Variants in LRMDA observed in about 807,000 individuals in gnomAD.
LRMDA encodes leucine-rich melanocyte differentiation-associated protein.
Under a neutral mutation model 29.8 loss-of-function variants are expected in LRMDA, and 18 were observed. The observed-to-expected ratio is 0.60, with a 90% CI of 0.42 to 0.90. The LOEUF (loss-of-function observed/expected upper bound fraction) is 0.90, where lower values mean the gene tolerates loss of function less well. Among genes scored for constraint, LRMDA ranks in the 40% least tolerant of loss-of-function variants. The probability of loss-of-function intolerance (pLI) is 0.00; values close to 1 mark genes in which losing one functional copy is unlikely to be tolerated. For synonymous variants in LRMDA, 125 were observed against 109.4 expected, an observed-to-expected ratio of 1.14 and a Z score of -0.89; for missense variants, 273 against 273.9, an observed-to-expected ratio of 1.00 and a Z score of 0.02.
intron 5 of LRMDA, among the ~76,000 whole-genome samples, chr10:76,074,232 G>A (rs950276789): frequency 3.9e-5 from 6 of 152,168 alleles, no homozygotes; most frequent in African/African-American, 9.7e-5. Flanking sequence ...AGCATGTGCT[G>A]TTTTTAAAGG....
At chr10:76,404,428 T>C (rs1031801207) in intron 6 of LRMDA, among the ~76,000 whole-genome samples, 4 of 152,184 alleles carry the variant, frequency 2.6e-5, no homozygotes, top group Admixed American at 1.3e-4. Flanking sequence ...GCTTACTTGA[T>C]GGCTGGCTTT....
At chr10:76,198,790 T>C (rs569062105) in intron 5 of LRMDA, among the ~76,000 whole-genome samples, 2 of 152,190 alleles carry the variant, frequency 1.3e-5, no homozygotes, top group Non-Finnish European at 2.9e-5. Flanking sequence ...TTCCTTTTAT[T>C]GTAGAGTGTA....
chr10:75,724,374 C>T (rs1403703602), intron 2 of LRMDA, among the ~76,000 whole-genome samples: 1 of 152,182 alleles, frequency 6.6e-6, no homozygotes, highest in Admixed American at 6.5e-5. Context: ...AAAAAAGTAA[C>T]TTTTCCATTT....
intron 2 of LRMDA, among the ~76,000 whole-genome samples, chr10:75,471,722 G>A (rs1434576571): frequency 6.6e-6 from 1 of 152,174 alleles, no homozygotes; most frequent in Non-Finnish European, 1.5e-5. Context: ...GTACTTTAAT[G>A]TAAACCAGTC....
intron 2 of LRMDA, among the ~76,000 whole-genome samples, chr10:75,651,665 C>T (rs1841601260): frequency 1.3e-5 from 2 of 152,120 alleles, no homozygotes; most frequent in East Asian, 3.8e-4. Context: ...AGTTGAGAGC[C>T]ATGCTGCTGT....
At chr10:76,045,037 T>C (rs1403937414) in intron 3 of LRMDA, among the ~76,000 whole-genome samples, 1 of 149,756 alleles carries the variant, frequency 6.7e-6, no homozygotes, top group African/African-American at 2.5e-5. Flanking sequence ...CTTGCTAGTT[T>C]ACCTTCTCTT....
At position 75,628,845 on chromosome 10, in the gene LRMDA, G is replaced by C. The variant is rs12249676; in HGVS notation, c.131+190351G>C. On this transcript the variant is annotated intron_variant, in intron 2 of 6. Coordinates refer to ENST00000611255, the MANE Select transcript of LRMDA (RefSeq NM_001305581.2). ...TCCAAAAGTCCACCTGAGTAATGCTGAGAAGGTGCAGGCTGGGGCACTTGC... is the reference window on the plus strand; with the variant it reads ...TCCAAAAGTCCACCTGAGTAATGCTCAGAAGGTGCAGGCTGGGGCACTTGC... 3.9e-3 allele frequency among the ~76,000 whole-genome samples: 591 copies of C among 152,314 alleles called. 4 individuals are homozygous for C. Among genetic ancestry groups the C allele is most frequent in the African/African-American group, 0.014 (572 of 41,570 alleles).
chr10:75,511,115 C>T (rs1845221000), intron 2 of LRMDA, among the ~76,000 whole-genome samples: 1 of 152,094 alleles, frequency 6.6e-6, no homozygotes, highest in South Asian at 2.1e-4. Context: ...ATCGCTTGAG[C>T]CCAGGAGTTC....
intron 5 of LRMDA, among the ~76,000 whole-genome samples, chr10:76,083,891 C>T (rs1849090137): frequency 6.6e-6 from 1 of 151,444 alleles, no homozygotes; most frequent in Admixed American, 6.6e-5. Context: ...TTGGTTGAAC[C>T]TTGTTTAACC....
intron 2 of LRMDA, among the ~76,000 whole-genome samples, chr10:75,460,611 TA>T (rs1342860160): frequency 6.6e-6 from 1 of 152,166 alleles, no homozygotes; most frequent in African/African-American, 2.4e-5. Context: ...ATTCCTTTTA[TA>T]AAAAGTTTAA....
chr10:76,298,262 C>T (rs1395798663), intron 5 of LRMDA, among the ~76,000 whole-genome samples: 1 of 152,186 alleles, frequency 6.6e-6, no homozygotes, highest in Non-Finnish European at 1.5e-5. Flanking sequence ...CCACCCCCAA[C>T]CAGTTAGCAG....
chr10:76,057,856 C>T (rs1026201051), intron 4 of LRMDA, among the ~76,000 whole-genome samples: 57 of 152,204 alleles, frequency 3.7e-4, no homozygotes, highest in African/African-American at 1.3e-3. Flanking sequence ...GACACATGTC[C>T]ATACCTGTTA....
intron 5 of LRMDA, among the ~76,000 whole-genome samples, chr10:76,130,986 G>A (rs577721196): frequency 2.0e-5 from 3 of 152,276 alleles, no homozygotes; most frequent in South Asian, 2.1e-4. Context: ...TGTATACAAT[G>A]CAAGTGGAGT....
chr10:76,435,769 C>T (rs889914221), intron 6 of LRMDA, among the ~76,000 whole-genome samples: 2 of 152,140 alleles, frequency 1.3e-5, no homozygotes, highest in African/African-American at 4.8e-5. Context: ...TAGCAGTTCT[C>T]AGAAGACATT....
At chr10:76,248,993 T>G (rs1852424801) in intron 5 of LRMDA, among the ~76,000 whole-genome samples, 1 of 152,220 alleles carries the variant, frequency 6.6e-6, no homozygotes, top group African/African-American at 2.4e-5. Context: ...ACCATGTTCC[T>G]TACAGCCTAG....
intron 2 of LRMDA, among the ~76,000 whole-genome samples, chr10:75,559,309 T>G: frequency 6.6e-6 from 1 of 150,814 alleles, no homozygotes; most frequent in Non-Finnish European, 1.5e-5. Flanking sequence ...TTCATGTGTT[T>G]TTTGGCTGCA....
In LRMDA at chr10:76,558,521, G is replaced by A. The variant is rs1843586520; in HGVS notation, c.*1233G>A. 1.3e-5 allele frequency: 2 copies of A among 152,190 alleles called. No individual in the cohort carries two copies. Among genetic ancestry groups the A allele is most frequent in the African/African-American group, 2.4e-5 (1 of 41,426 alleles). 9.4% of individuals were successfully genotyped at this position (152,190 alleles called of 1,614,324 possible). On this transcript the variant is annotated 3_prime_UTR_variant, in exon 7 of 7. Transcript: ENST00000611255. ...CTGGTGCACCAGTCAAATCACTCTA[G>A]AAGATGTTCAAAAGGTTGATTGATT...
chr10:76,418,405 A>G (rs1463148809), intron 6 of LRMDA, among the ~76,000 whole-genome samples: 1 of 151,780 alleles, frequency 6.6e-6, no homozygotes, highest in Non-Finnish European at 1.5e-5. Flanking sequence ...TTATATGTAT[A>G]TGATTTTTCA....
At chr10:76,429,412 A>T (rs946430729) in intron 6 of LRMDA, among the ~76,000 whole-genome samples, 15 of 152,166 alleles carry the variant, frequency 9.9e-5, no homozygotes, top group African/African-American at 3.1e-4. Context: ...TGAAGATTGC[A>T]TGTCAATAAA....
Sources: gnomAD v4.1 joint callset for allele counts (sites outside exome capture counted in the v4.1 genomes callset) on GRCh38, gnomAD v4.1.1 for gene constraint, MANE v1.5 for transcripts, NCBI Gene and HGNC (gene_info 2026-07-23, HGNC 2026-07-21) for gene names.